Variants in LRRTM4 observed in about 807,000 individuals in gnomAD.
LRRTM4 encodes leucine-rich repeat transmembrane neuronal protein 4.
Under a neutral mutation model 47.6 loss-of-function variants are expected in LRRTM4, and 25 were observed. The observed-to-expected ratio is 0.53, with a 90% CI of 0.38 to 0.73. The LOEUF (loss-of-function observed/expected upper bound fraction) is 0.73, where lower values mean the gene tolerates loss of function less well. Ranked by LOEUF, LRRTM4 falls within the 30% of genes least tolerant of loss-of-function variation. The pLI, the probability that LRRTM4 is intolerant of heterozygous loss-of-function variation, is 0.00. For missense variants in LRRTM4, 638 were observed against 713.4 expected, an observed-to-expected ratio of 0.89 and a Z score of 1.20; for synonymous variants, 311 against 269.5, an observed-to-expected ratio of 1.15 and a Z score of -1.51.
intron 3 of LRRTM4, among the ~76,000 whole-genome samples, chr2:76,752,294 A>G (rs1485288754): frequency 2.0e-5 from 3 of 152,142 alleles, no homozygotes; most frequent in Admixed American, 1.3e-4. Context: ...GGAGATAACA[A>G]TTTCATAGCT....
chr2:76,795,354 A>G (rs1009525627), intron 3 of LRRTM4, among the ~76,000 whole-genome samples: 6 of 137,596 alleles, frequency 4.4e-5, no homozygotes, highest in African/African-American at 1.2e-4. Context: ...TTCTATATCC[A>G]TGAATTTAAC....
At chr2:77,404,653 A>G (rs1251664920) in intron 3 of LRRTM4, among the ~76,000 whole-genome samples, 1 of 152,082 alleles carries the variant, frequency 6.6e-6, no homozygotes, top group East Asian at 1.9e-4. Flanking sequence ...ACCTCTCACT[A>G]CCTTAGCTTA....
intron 3 of LRRTM4, among the ~76,000 whole-genome samples, chr2:76,897,481 A>T (rs1379495640): frequency 6.6e-6 from 1 of 152,140 alleles, no homozygotes; most frequent in East Asian, 1.9e-4. Context: ...GTGCTATATA[A>T]GTGTATAATG....
At chr2:77,089,574 C>T (rs1680859191) in intron 3 of LRRTM4, among the ~76,000 whole-genome samples, 1 of 152,002 alleles carries the variant, frequency 6.6e-6, no homozygotes, top group African/African-American at 2.4e-5. Context: ...GTAAGAACCC[C>T]CGAACCCCTT....
At chr2:77,379,709 GT>G (rs1357290714) in intron 3 of LRRTM4, among the ~76,000 whole-genome samples, 1 of 151,848 alleles carries the variant, frequency 6.6e-6, no homozygotes, top group Admixed American at 6.6e-5. Flanking sequence ...ATTCTGTTTT[GT>G]TTTGTTTTTT....
chr2:77,238,796 G>A (rs1279938440), intron 3 of LRRTM4, among the ~76,000 whole-genome samples: 1 of 151,688 alleles, frequency 6.6e-6, no homozygotes, highest in Non-Finnish European at 1.5e-5. Flanking sequence ...ACAAAAAAAT[G>A]GCATTATTAA....
chr2:77,482,192 A>G (rs74835738), intron 3 of LRRTM4, among the ~76,000 whole-genome samples: 9,685 of 143,742 alleles, frequency 0.067, 415 homozygotes, highest in Non-Finnish European at 0.1. Context: ...GATTCTCACT[A>G]ATTTGAAGTT....
At chr2:77,262,267 T>C (rs912442042) in intron 3 of LRRTM4, among the ~76,000 whole-genome samples, 4 of 152,070 alleles carry the variant, frequency 2.6e-5, no homozygotes, top group Non-Finnish European at 5.9e-5. Context: ...ACCATAAATG[T>C]AATGCACTTG....
intron 3 of LRRTM4, among the ~76,000 whole-genome samples, chr2:76,992,488 T>C (rs1464219699): frequency 1.3e-5 from 2 of 151,462 alleles, no homozygotes; most frequent in East Asian, 1.9e-4. Flanking sequence ...ATACAAATAA[T>C]GTCCAGGCTG....
chr2:76,868,112 C>T (rs1672516622), intron 3 of LRRTM4, among the ~76,000 whole-genome samples: 1 of 152,148 alleles, frequency 6.6e-6, no homozygotes, highest in African/African-American at 2.4e-5. Flanking sequence ...GTGTCACAAA[C>T]TGAATCAGGA....
chr2:77,509,164 G>A (rs1157902620), intron 3 of LRRTM4, among the ~76,000 whole-genome samples: 2 of 150,988 alleles, frequency 1.3e-5, no homozygotes, highest in Non-Finnish European at 2.9e-5. Flanking sequence ...CCCGGGAGGT[G>A]GAGGTTGCAG....
chr2:77,131,817 CTGTT>C (rs1475759438), intron 3 of LRRTM4, among the ~76,000 whole-genome samples: 1 of 152,120 alleles, frequency 6.6e-6, no homozygotes. Context: ...GTGTCTTACT[CTGTT>C]TGAGCTGCTG....
intron 3 of LRRTM4, among the ~76,000 whole-genome samples, chr2:77,489,744 A>G (rs1396207360): frequency 1.3e-5 from 2 of 152,200 alleles, no homozygotes; most frequent in African/African-American, 4.8e-5. Flanking sequence ...ATATTAGAGA[A>G]CCATGCCACA....
At chr2:76,755,559 G>A (rs529886249) in intron 3 of LRRTM4, among the ~76,000 whole-genome samples, 18 of 152,172 alleles carry the variant, frequency 1.2e-4, no homozygotes, top group African/African-American at 7.2e-5. Context: ...CTAGCATATC[G>A]TTCGATGCAG....
At position 77,470,486 on chromosome 2, in the gene LRRTM4, A is replaced by G. The variant is rs555854059; in HGVS notation, c.1551+47832T>C. 2.6e-5 allele frequency among the ~76,000 whole-genome samples: 4 copies of G among 152,326 alleles called. No homozygotes were observed. The South Asian group carries it at 8.3e-4, about 32-fold the overall frequency. ...CTAAAATACTAAACTACGAGAAGGCATTCATTTGGTACAATGAAGACACAC... is the reference window on the plus strand; with the variant it reads ...CTAAAATACTAAACTACGAGAAGGCGTTCATTTGGTACAATGAAGACACAC... On this transcript the variant is annotated intron_variant, in intron 3 of 3. Coordinates refer to ENST00000409884, the MANE Select transcript of LRRTM4 (RefSeq NM_001134745.3).
At chr2:77,226,173 A>G (rs1337868978) in intron 3 of LRRTM4, among the ~76,000 whole-genome samples, 1 of 152,012 alleles carries the variant, frequency 6.6e-6, no homozygotes, top group Non-Finnish European at 1.5e-5. Flanking sequence ...TGGAAAAACA[A>G]TTACAATTCC....
At chr2:76,937,218 C>A (rs1674985277) in intron 3 of LRRTM4, among the ~76,000 whole-genome samples, 1 of 151,862 alleles carries the variant, frequency 6.6e-6, no homozygotes, top group Non-Finnish European at 1.5e-5. Flanking sequence ...AAAATTTAAC[C>A]CCAAAAGCTT....
chr2:76,882,665 A>G (rs1035366093), intron 3 of LRRTM4, among the ~76,000 whole-genome samples: 3 of 152,296 alleles, frequency 2.0e-5, no homozygotes, highest in Non-Finnish European at 2.9e-5. Context: ...GGCCAGAAAC[A>G]TAACAGTGGT....
chr2:77,134,784 A>AG (rs1254070278), intron 3 of LRRTM4, among the ~76,000 whole-genome samples: 1 of 152,176 alleles, frequency 6.6e-6, no homozygotes, highest in Non-Finnish European at 1.5e-5. Context: ...GTGCAAAAAA[A>AG]GGGGGGATAT....
Sources: gnomAD v4.1 joint callset for allele counts (sites outside exome capture counted in the v4.1 genomes callset) on GRCh38, gnomAD v4.1.1 for gene constraint, MANE v1.5 for transcripts, NCBI Gene and HGNC (gene_info 2026-07-23, HGNC 2026-07-21) for gene names.